The following SGO2 variants were observed in gnomAD, a reference collection of about 807,000 sequenced individuals.
SGO2 encodes the protein shugoshin-like 2.
Under a neutral mutation model 99.5 loss-of-function variants are expected in SGO2, and 68 were observed. The observed-to-expected ratio is 0.68, with a 90% CI of 0.56 to 0.84. The LOEUF is 0.84. Ranked by LOEUF, SGO2 falls within the 40% of genes least tolerant of loss-of-function variation. SGO2 has a pLI of 0.00. For synonymous variants in SGO2, 457 were observed against 487.1 expected (o/e 0.94, Z 0.81); for missense variants, 1,350 against 1,436.7 (o/e 0.94, Z 0.97).
At chr2:200,581,973 C>T (rs1322048787) in intron 8 of SGO2, among the ~76,000 whole-genome samples, 1 of 152,092 alleles carries the variant, frequency 6.6e-6, no homozygotes, top group East Asian at 1.9e-4. Context: ...GAGACCTTTC[C>T]ACCTAATCTT....
intron 4 of SGO2, among the ~76,000 whole-genome samples, chr2:200,538,732 A>G (rs2031819356): frequency 6.6e-6 from 1 of 152,188 alleles, no homozygotes; most frequent in Non-Finnish European, 1.5e-5. Context: ...AATACAAATA[A>G]TGCTAAGTAA....
In SGO2 at chr2:200,572,273, A is replaced by G; in HGVS notation, c.1927A>G (p.Lys643Glu). The change falls in exon 7 of 9, where the codon AAA becomes GAA. Residue 643 changes from lysine (K) to glutamate (E), a missense_variant. Lys to Glu is a moderately conservative substitution (Grantham distance 56). Transcript: ENST00000357799. ...NDKDVVHGLK[K>E]GNFFFKTQED... ...TAAAGATGTGGTGCATGGCCTAAAA[A>G]AAGGTAATTTTTTTTTCAAAACCCA... The G allele has an allele frequency of 6.2e-7, 1 of 1,610,864 alleles. No individual in the cohort carries two copies. Among genetic ancestry groups the G allele is most frequent in the Non-Finnish European group, 8.5e-7 (1 of 1,179,074 alleles).
rs1227661033 is a variant in SGO2, at chr2:200,582,078, T to G, written c.3783-1371T>G. 3.3e-5 allele frequency among the ~76,000 whole-genome samples: 5 copies of G among 152,076 alleles called. No homozygotes were observed. In the East Asian group the frequency reaches 9.6e-4, roughly 29 times the overall value. On this transcript the variant is annotated intron_variant, in intron 8 of 8. Transcript: ENST00000357799. ...TAAAATATAACTAAACTCCATAACT[T>G]GAAACATGATGTATTAGGTGCAGGA...
At chr2:200,580,598 G>T in intron 8 of SGO2, 1 of 322,140 alleles carries the variant, frequency 3.1e-6, no homozygotes, top group Non-Finnish European at 6.1e-6. Context: ...TTGGGTGGCT[G>T]AGGTGAGAGG....
chr2:200,535,649 C>A (rs2031656382), intron 3 of SGO2, among the ~76,000 whole-genome samples: 1 of 152,046 alleles, frequency 6.6e-6, no homozygotes, highest in African/African-American at 2.4e-5. Flanking sequence ...AGCTAGGCTG[C>A]AACTATAGAT....
At chr2:200,562,091 C>T (rs754949191) in intron 5 of SGO2, among the ~76,000 whole-genome samples, 160 of 152,244 alleles carry the variant, frequency 1.1e-3, no homozygotes, top group Non-Finnish European at 1.9e-3. Context: ...TTGGCTTTTG[C>T]TGCAATTGCT....
chr2:200,560,153 G>A (rs1473677310), intron 5 of SGO2, among the ~76,000 whole-genome samples: 1 of 152,066 alleles, frequency 6.6e-6, no homozygotes, highest in Non-Finnish European at 1.5e-5. Context: ...TTATGATTAT[G>A]AATTCATCTG....
At chr2:200,534,440 G>T (rs931754970) in intron 2 of SGO2, among the ~76,000 whole-genome samples, 2 of 152,160 alleles carry the variant, frequency 1.3e-5, no homozygotes, top group Non-Finnish European at 2.9e-5. Context: ...GCAGTAAAAG[G>T]TCCCGTGGGG....
At chr2:200,549,003 T>C (rs1385055857) in intron 5 of SGO2, among the ~76,000 whole-genome samples, 1 of 152,014 alleles carries the variant, frequency 6.6e-6, no homozygotes, top group Non-Finnish European at 1.5e-5. Context: ...ACACCTATAA[T>C]CCCAGCCCTT....
rs769480545 is a variant in SGO2 at position 200,571,195 on chromosome 2, T to G, written c.849T>G (p.Asn283Lys). 1 of 1,613,656 alleles carries G rather than the reference T, an allele frequency of 6.2e-7. No homozygotes were observed. The highest frequency in any genetic ancestry group is 1.7e-5 in the Admixed American group (1 of 59,970). ...AGCGTGGGTCATCTTGGGAATCAAA[T>G]AATCTTTCTGCAGACACTCCCTGTG... ...RKKRGSSWES[N>K]NLSADTPCAT... Residue 283 changes from asparagine to lysine, a missense_variant, in exon 7 of 9, where the codon AAT becomes AAG. By Grantham distance (94) the Asn-to-Lys change is moderately conservative. Coordinates refer to ENST00000357799, the MANE Select transcript of SGO2 (RefSeq NM_152524.6).
At position 200,571,869 on chromosome 2, in the gene SGO2, A is replaced by G. The variant is rs1233763416; in HGVS notation, c.1523A>G (p.Gln508Arg). 11 of 1,613,528 alleles carry G rather than the reference A, an allele frequency of 6.8e-6. No homozygotes were observed. Among genetic ancestry groups the G allele is most frequent in the Admixed American group, 3.3e-5 (2 of 59,960 alleles). ...CAAGAGGAAACATACTCTTTATCCCAAAGTTCAGGTAAATTTCACCAGGAG... is the reference window on the plus strand; with the variant it reads ...CAAGAGGAAACATACTCTTTATCCCGAAGTTCAGGTAAATTTCACCAGGAG... ...NEQEETYSLSQSSGKFHQESK... is the reference protein window; with the variant it reads ...NEQEETYSLSRSSGKFHQESK... The change falls in exon 7 of 9, where the codon CAA (glutamine) becomes CGA (arginine). Residue 508 changes from glutamine (Q) to arginine (R), a missense_variant. Physicochemically the swap from Gln to Arg is conservative, Grantham distance 43. Coordinates refer to ENST00000357799, the MANE Select transcript of SGO2 (RefSeq NM_152524.6).
intron 5 of SGO2, among the ~76,000 whole-genome samples, chr2:200,565,250 A>G (rs1279262012): frequency 1.3e-5 from 2 of 152,330 alleles, no homozygotes; most frequent in East Asian, 3.9e-4. Context: ...CTTTTAGGGC[A>G]GTCCTGGTGG....
chr2:200,532,280 TTTTG>T (rs1559196919), intron 1 of SGO2: 3 of 410,208 alleles, frequency 7.3e-6, no homozygotes, highest in East Asian at 1.7e-4. Flanking sequence ...TTGTTTTTTT[TTTTG>T]TTTTTTTTTT....
chr2:200,559,022 C>T (rs554452000), intron 5 of SGO2, among the ~76,000 whole-genome samples: 12 of 152,180 alleles, frequency 7.9e-5, no homozygotes, highest in Non-Finnish European at 2.9e-5. Flanking sequence ...AGGTTGGTCT[C>T]GAACTCCTGA....
intron 1 of SGO2, among the ~76,000 whole-genome samples, chr2:200,528,940 T>C (rs1269995244): frequency 1.3e-5 from 2 of 152,210 alleles, no homozygotes; most frequent in Non-Finnish European, 2.9e-5. Flanking sequence ...TGATATTAAA[T>C]GCTTTTCACA....
In SGO2 at chr2:200,570,554, C is replaced by T. The variant is rs201214797; in HGVS notation, c.704-496C>T. ...TAATATATACACACACACATATATA[C>T]ACACATATATATGGTATACATATAA... On this transcript the variant is annotated intron_variant, in intron 6 of 8. Transcript: ENST00000357799. This position sits in a 1 kb window ranked among gnomAD's most constrained non-coding sequence, Gnocchi z 4.4. Among the ~76,000 whole-genome samples the T allele has an allele frequency of 2.2e-5, 2 of 91,494 alleles. No homozygotes were observed. The highest frequency in any genetic ancestry group is 6.9e-5 in the African/African-American group (2 of 29,188). 60.0% of individuals were successfully genotyped at this position (91,494 alleles called of 152,430 possible). A position where few individuals can be genotyped will look rare whatever the true frequency, so the allele number is the denominator to read the frequency against.
chr2:200,551,022 T>C (rs1053939753), intron 5 of SGO2, among the ~76,000 whole-genome samples: 1 of 151,102 alleles, frequency 6.6e-6, no homozygotes, highest in African/African-American at 2.4e-5. Flanking sequence ...GGGAATCATA[T>C]ACTGGTAGAA....
chr2:200,561,762 G>A (rs535509262), intron 5 of SGO2, among the ~76,000 whole-genome samples: 3 of 152,224 alleles, frequency 2.0e-5, no homozygotes, highest in African/African-American at 7.2e-5. Flanking sequence ...TAACTGGTGT[G>A]AGATGGTATC....
In SGO2 at chr2:200,573,264, G is replaced by C; in HGVS notation, c.2918G>C (p.Cys973Ser). 3 of 1,599,788 alleles carry C rather than the reference G, an allele frequency of 1.9e-6. No individual in the cohort carries two copies. The highest frequency in any genetic ancestry group is 2.6e-6 in the Non-Finnish European group (3 of 1,176,116). ...MEVNSNEKES[C>S]DQILDSYKVV... The stretch of plus-strand genomic sequence containing the variant: ...GTCAACAGTAATGAAAAGGAAAGTT[G>C]TGATCAAATTTTAGATTCCTACAAA... The change falls in exon 7 of 9, where the codon TGT becomes TCT. Residue 973 changes from cysteine to serine, a missense_variant. Cys to Ser is a moderately radical substitution (Grantham distance 112). Coordinates refer to ENST00000357799, the MANE Select transcript of SGO2 (RefSeq NM_152524.6).
Sources: allele counts gnomAD v4.1 joint callset (sites outside exome capture counted in the v4.1 genomes callset), GRCh38; gene constraint gnomAD v4.1.1; non-coding constraint Gnocchi (gnomAD v3.1); transcripts MANE v1.5; gene names NCBI Gene and HGNC (gene_info 2026-07-23, HGNC 2026-07-21).